Variants in SPAG6 observed in about 807,000 individuals in gnomAD.
The protein encoded by SPAG6 is sperm associated antigen 6, also known as sperm-associated antigen 6.
SPAG6 carries 49 observed loss-of-function variants against 58.5 expected under a neutral mutation model. That is an observed-to-expected ratio of 0.84 (90% CI 0.67 to 1.06). The LOEUF is 1.06. Among genes scored for constraint, SPAG6 ranks in the 50% least tolerant of loss-of-function variants. SPAG6 has a pLI of 0.00. For missense variants in SPAG6, 560 were observed against 611.3 expected, an observed-to-expected ratio of 0.92 and a Z score of 0.89; for synonymous variants, 233 against 225.6, an observed-to-expected ratio of 1.03 and a Z score of -0.29.
At chr10:22,411,876 T>G (rs1300062340) in intron 10 of SPAG6, among the ~76,000 whole-genome samples, 1 of 120,836 alleles carries the variant, frequency 8.3e-6, no homozygotes, top group Non-Finnish European at 1.6e-5. Flanking sequence ...TGAGACAGAG[T>G]CTTGCTCTGT....
In SPAG6 at chr10:22,387,782, A is replaced by G. The variant is rs901011888; in HGVS notation, c.679-41A>G. 7 of 1,573,314 alleles carry G rather than the reference A, an allele frequency of 4.4e-6. No homozygotes were observed. In the Admixed American group the frequency reaches 1.1e-4, roughly 26 times the overall value. On this transcript the variant is annotated intron_variant, in intron 5 of 10. Transcript: ENST00000376624. Reference sequence around the variant, plus strand: ...ACATCTGAACTCTGTAGTGGATGCTATATAGTGTTTTGTTGTTGTTGTTTT... The same window carrying G: ...ACATCTGAACTCTGTAGTGGATGCTGTATAGTGTTTTGTTGTTGTTGTTTT...
At chr10:22,361,980 G>A (rs1837053479) in intron 2 of SPAG6, among the ~76,000 whole-genome samples, 1 of 144,748 alleles carries the variant, frequency 6.9e-6, no homozygotes, top group Non-Finnish European at 1.5e-5. Context: ...TATCAAGTGG[G>A]CACATAAATA....
In SPAG6 at chr10:22,351,669, T is replaced by A. The variant is rs140659370; in HGVS notation, c.121+5851T>A. On this transcript the variant is annotated intron_variant, in intron 2 of 10. Coordinates refer to ENST00000376624, the MANE Select transcript of SPAG6 (RefSeq NM_012443.4). ...CGGGGGCAGAACTTTGGGATTTCTA[T>A]TGAGTGGTTGTACTAGCCTTAGGAG... 3.3e-3 allele frequency among the ~76,000 whole-genome samples: 508 copies of A among 152,304 alleles called. 6 individuals carry two copies. Among genetic ancestry groups the A allele is most frequent in the Non-Finnish European group, 5.6e-3 (381 of 68,022 alleles).
chr10:22,373,303 T>A (rs1833743954), intron 4 of SPAG6, among the ~76,000 whole-genome samples: 1 of 152,220 alleles, frequency 6.6e-6, no homozygotes, highest in African/African-American at 2.4e-5. Context: ...GCAGCCCGAT[T>A]GTTTTCTATC....
At chr10:22,383,614 G>A (rs1834005531) in intron 4 of SPAG6, among the ~76,000 whole-genome samples, 1 of 151,626 alleles carries the variant, frequency 6.6e-6, no homozygotes. Flanking sequence ...CTCCAGCCTG[G>A]GCAACAGAGC....
At chr10:22,397,929 G>A (rs1457090771) in intron 8 of SPAG6, among the ~76,000 whole-genome samples, 1 of 151,846 alleles carries the variant, frequency 6.6e-6, no homozygotes, top group East Asian at 1.9e-4. Flanking sequence ...AATTCATGTG[G>A]AAATGAAAAG....
At chr10:22,403,241 G>A (rs964780277) in intron 9 of SPAG6, among the ~76,000 whole-genome samples, 18 of 152,070 alleles carry the variant, frequency 1.2e-4, no homozygotes, top group Middle Eastern at 3.4e-3. Context: ...CCACTAACTC[G>A]TCATCTAGCA....
intron 4 of SPAG6, among the ~76,000 whole-genome samples, chr10:22,386,482 T>TA (rs11323725): frequency 0.014 from 2,047 of 142,222 alleles, 33 homozygotes; most frequent in African/African-American, 0.047. Flanking sequence ...CTTACTCTCT[T>TA]AAAAAAAAAA....
chr10:22,410,834 A>G (rs1834713225), intron 9 of SPAG6, among the ~76,000 whole-genome samples, 197 bp from the exon 10 acceptor site: 1 of 152,068 alleles, frequency 6.6e-6, no homozygotes, highest in Non-Finnish European at 1.5e-5. Context: ...CCTTTATTTC[A>G]TTTCTTCAAC....
At chr10:22,355,311 A>G (rs1009016799) in intron 2 of SPAG6, among the ~76,000 whole-genome samples, 2 of 152,210 alleles carry the variant, frequency 1.3e-5, no homozygotes, top group Non-Finnish European at 2.9e-5. Context: ...TACCTGGCAC[A>G]TGGGAAATGC....
chr10:22,408,958 G>T (rs908348752), intron 9 of SPAG6, among the ~76,000 whole-genome samples: 1 of 152,176 alleles, frequency 6.6e-6, no homozygotes, highest in Non-Finnish European at 1.5e-5. Flanking sequence ...GACCCCTTGC[G>T]CTTCCCGAGT....
chr10:22,362,273 C>T (rs1442979273), intron 2 of SPAG6, among the ~76,000 whole-genome samples: 2 of 149,126 alleles, frequency 1.3e-5, no homozygotes, highest in African/African-American at 2.5e-5. Context: ...CCAGAATAAT[C>T]AGGAAAAAAT....
chr10:22,375,698 ACTCCCAAGTAG>A (rs1833801382), intron 4 of SPAG6, among the ~76,000 whole-genome samples: 1 of 148,824 alleles, frequency 6.7e-6, no homozygotes, highest in South Asian at 2.1e-4. Context: ...CCTGCCTCAG[ACTCCCAAGTAG>A]CTGCGATTAC....
intron 4 of SPAG6, among the ~76,000 whole-genome samples, chr10:22,382,242 A>G (rs1052020779): frequency 6.6e-6 from 1 of 152,166 alleles, no homozygotes; most frequent in Non-Finnish European, 1.5e-5. Flanking sequence ...CAGTTTCTTC[A>G]CTCAAAATGA....
intron 4 of SPAG6, among the ~76,000 whole-genome samples, chr10:22,369,822 T>C (rs893909937): frequency 9.2e-5 from 14 of 152,340 alleles, no homozygotes; most frequent in Non-Finnish European, 1.2e-4. Context: ...ATATGACGTG[T>C]GCACATTGGT....
chr10:22,371,503 C>T (rs576412593), intron 4 of SPAG6, among the ~76,000 whole-genome samples: 23 of 152,270 alleles, frequency 1.5e-4, no homozygotes, highest in Non-Finnish European at 2.5e-4. Context: ...CCGCCCGCCT[C>T]GGCCTCCCAA....
At chr10:22,381,493 T>G (rs569701133) in intron 4 of SPAG6, among the ~76,000 whole-genome samples, 1 of 151,270 alleles carries the variant, frequency 6.6e-6, no homozygotes, top group South Asian at 2.1e-4. Context: ...ACTTCACTAC[T>G]GCTCTCCCAC....
At chr10:22,355,290 T>C (rs1402685877) in intron 2 of SPAG6, among the ~76,000 whole-genome samples, 3 of 152,192 alleles carry the variant, frequency 2.0e-5, no homozygotes, top group Non-Finnish European at 4.4e-5. Context: ...TTTGTAAATT[T>C]CTTAGAGAGG....
At chr10:22,413,106 G>T (rs1338387939) in intron 10 of SPAG6, 1 of 128,500 alleles carries the variant, frequency 7.8e-6, no homozygotes, top group Non-Finnish European at 1.6e-5. Flanking sequence ...AGTGTCCCCA[G>T]AATGAATGAC....
Sources: allele counts gnomAD v4.1 joint callset (sites outside exome capture counted in the v4.1 genomes callset), GRCh38; gene constraint gnomAD v4.1.1; transcripts MANE v1.5; gene names NCBI Gene and HGNC (gene_info 2026-07-23, HGNC 2026-07-21).